The following ARHGAP15 variants were observed in gnomAD, a reference collection of about 807,000 sequenced individuals.
The protein encoded by ARHGAP15 is Rho GTPase activating protein 15, also known as rho GTPase-activating protein 15.
A neutral mutation model predicts 63.7 loss-of-function variants in ARHGAP15; 51 were observed. The observed-to-expected ratio is 0.80, with a 90% CI of 0.64 to 1.01. The LOEUF (loss-of-function observed/expected upper bound fraction) is 1.01. Ranked by LOEUF, ARHGAP15 falls within the 50% of genes least tolerant of loss-of-function variation. ARHGAP15 has a pLI of 0.00. For missense variants in ARHGAP15, 560 were observed against 564.6 expected (o/e 0.99, Z 0.08); for synonymous variants, 191 against 193.8 (o/e 0.99, Z 0.12).
chr2:143,467,771 T>G (rs1574488855), intron 8 of ARHGAP15, among the ~76,000 whole-genome samples: 1 of 152,242 alleles, frequency 6.6e-6, no homozygotes, highest in East Asian at 1.9e-4. Flanking sequence ...TACAGTAGTT[T>G]TACTGAGTCT....
Position 143,283,331 on chromosome 2 carries a change from CT to C in ARHGAP15, c.474+32732del, listed in dbSNP as rs542610149. On this transcript the variant is annotated intron_variant, in intron 6 of 13. Coordinates refer to ENST00000295095, the MANE Select transcript of ARHGAP15 (RefSeq NM_018460.4). The stretch of plus-strand genomic sequence containing the variant: ...AAATTTAAGGGACAAGTAAGGAACT[CT>C]CTCCTCATCTTTTAAAAATATAGGT... 3.4e-3 allele frequency among the ~76,000 whole-genome samples: 525 copies of C among 152,268 alleles called. 1 individual carries two copies. The highest frequency in any genetic ancestry group is 0.012 in the African/African-American group (487 of 41,566).
At chr2:143,435,312 T>G in intron 6 of ARHGAP15, 1 of 1,067,628 alleles carries the variant, frequency 9.4e-7, no homozygotes, top group Non-Finnish European at 1.1e-6. Flanking sequence ...TGCAGTTCTC[T>G]GAACTTCCTG....
At chr2:143,254,328 C>T (rs1312756813) in intron 6 of ARHGAP15, among the ~76,000 whole-genome samples, 2 of 151,862 alleles carry the variant, frequency 1.3e-5, no homozygotes. Flanking sequence ...CTTCTGTTTC[C>T]TGGCTGGGCA....
At chr2:143,655,297 T>C (rs1025500830) in intron 12 of ARHGAP15, among the ~76,000 whole-genome samples, 6 of 151,832 alleles carry the variant, frequency 4.0e-5, no homozygotes, top group Non-Finnish European at 7.4e-5. Flanking sequence ...CCAAAGTCCA[T>C]TGCATCATTC....
chr2:143,553,941 A>G (rs536764762), intron 10 of ARHGAP15, among the ~76,000 whole-genome samples: 1 of 152,306 alleles, frequency 6.6e-6, no homozygotes, highest in South Asian at 2.1e-4. Flanking sequence ...ATAAATGAAT[A>G]TGCATATTAA....
chr2:143,235,960 G>A (rs1444641607), intron 5 of ARHGAP15: 3 of 1,545,722 alleles, frequency 1.9e-6, no homozygotes, highest in African/African-American at 2.8e-5. Flanking sequence ...TCTGCTTGAT[G>A]TGTTCAGGAG....
chr2:143,540,234 T>C (rs1302744129), intron 10 of ARHGAP15, among the ~76,000 whole-genome samples: 2 of 152,180 alleles, frequency 1.3e-5, no homozygotes, highest in Admixed American at 1.3e-4. Flanking sequence ...ATTTGCTTGG[T>C]AGATCTTCCT....
At chr2:143,280,434 A>G (rs1681784288) in intron 6 of ARHGAP15, among the ~76,000 whole-genome samples, 1 of 152,150 alleles carries the variant, frequency 6.6e-6, no homozygotes, top group Non-Finnish European at 1.5e-5. Flanking sequence ...AAGAAACAAT[A>G]AAGAGAGGTT....
At chr2:143,372,344 C>T (rs1332970558) in intron 6 of ARHGAP15, among the ~76,000 whole-genome samples, 1 of 90,210 alleles carries the variant, frequency 1.1e-5, no homozygotes, top group African/African-American at 4.9e-5. Context: ...ATGGAGTAGT[C>T]GATTTAAAAA....
intron 6 of ARHGAP15, among the ~76,000 whole-genome samples, chr2:143,381,333 C>T (rs1687044792): frequency 6.6e-6 from 1 of 152,108 alleles, no homozygotes; most frequent in African/African-American, 2.4e-5. Context: ...CTTCTTTACC[C>T]TCATCTTATT....
intron 6 of ARHGAP15, among the ~76,000 whole-genome samples, chr2:143,282,567 A>G (rs2105087453): frequency 6.6e-6 from 1 of 152,202 alleles, no homozygotes; most frequent in East Asian, 1.9e-4. Context: ...CCATGATTCA[A>G]TTACCTCTCA....
intron 9 of ARHGAP15, among the ~76,000 whole-genome samples, chr2:143,495,147 C>A (rs1185385007): frequency 6.6e-6 from 1 of 152,138 alleles, no homozygotes; most frequent in Non-Finnish European, 1.5e-5. Context: ...TTCTCCCTTT[C>A]TTTTTTGTTT....
At chr2:143,332,811 C>T (rs1684605813) in intron 6 of ARHGAP15, among the ~76,000 whole-genome samples, 2 of 152,020 alleles carry the variant, frequency 1.3e-5, no homozygotes, top group Admixed American at 1.3e-4. Context: ...ACTCTCTACC[C>T]AAACTTCAGG....
intron 8 of ARHGAP15, among the ~76,000 whole-genome samples, chr2:143,463,260 G>C (rs1160833037): frequency 1.3e-5 from 2 of 151,336 alleles, no homozygotes; most frequent in South Asian, 2.1e-4. Context: ...ATATATTATA[G>C]GCCGGGTGCG....
chr2:143,478,096 T>C (rs1691907902), intron 8 of ARHGAP15, among the ~76,000 whole-genome samples: 2 of 152,224 alleles, frequency 1.3e-5, no homozygotes, highest in Admixed American at 6.5e-5. Context: ...GTGTTCATTG[T>C]TGTCTTGCTG....
chr2:143,490,438 G>A (rs950072232), intron 9 of ARHGAP15, among the ~76,000 whole-genome samples: 13 of 152,164 alleles, frequency 8.5e-5, no homozygotes, highest in East Asian at 1.9e-4. Context: ...ACCCTATAAC[G>A]CCCATCAGAG....
intron 6 of ARHGAP15, among the ~76,000 whole-genome samples, chr2:143,294,886 G>T (rs887098918): frequency 2.6e-5 from 4 of 152,022 alleles, no homozygotes; most frequent in African/African-American, 7.2e-5. Flanking sequence ...AAATTTAATT[G>T]AATTCTAAGC....
chr2:143,199,206 G>A, intron 2 of ARHGAP15, among the ~76,000 whole-genome samples: 1 of 152,076 alleles, frequency 6.6e-6, no homozygotes, highest in Non-Finnish European at 1.5e-5. Flanking sequence ...CATTAACTAA[G>A]TATTCTGCCC....
At chr2:143,132,831 G>C (rs577038994) in intron 1 of ARHGAP15, among the ~76,000 whole-genome samples, 1 of 152,318 alleles carries the variant, frequency 6.6e-6, no homozygotes, top group Admixed American at 6.5e-5. Flanking sequence ...CAAAAATACA[G>C]TTTTAATTGA....
Sources: allele counts gnomAD v4.1 joint callset (sites outside exome capture counted in the v4.1 genomes callset), GRCh38; gene constraint gnomAD v4.1.1; transcripts MANE v1.5; gene names NCBI Gene and HGNC (gene_info 2026-07-23, HGNC 2026-07-21).